Variants in SGPP2 observed in about 807,000 individuals in gnomAD.
SGPP2 encodes the protein sphingosine 1-phosphate phosphohydrolase 2.
SGPP2 carries 30 observed loss-of-function variants against 33.9 expected under a neutral mutation model. The ratio of observed to expected loss-of-function variants is 0.89; its 90% CI spans 0.66 to 1.20. The LOEUF is 1.20. Among genes scored for constraint, SGPP2 ranks in the 50% most tolerant of loss-of-function variants. SGPP2 has a pLI of 0.00. For missense variants in SGPP2, 458 were observed against 532.1 expected (o/e 0.86, Z 1.37); for synonymous variants, 233 against 225.0 (o/e 1.04, Z -0.32).
chr2:222,452,621 C>G, intron 1 of SGPP2: 1 of 1,353,742 alleles, frequency 7.4e-7, no homozygotes, highest in Non-Finnish European at 1.1e-6. Context: ...TGTTCCAGAA[C>G]TGGGTGCACC....
At chr2:222,464,883 C>G (rs1446910567) in intron 1 of SGPP2, among the ~76,000 whole-genome samples, 3 of 152,184 alleles carry the variant, frequency 2.0e-5, no homozygotes, top group African/African-American at 7.2e-5. Flanking sequence ...GGGTCACTGT[C>G]TCACAATTTC....
In SGPP2 at chr2:222,558,601, C is replaced by G. The variant is rs138993314; in HGVS notation, c.903C>G (p.Ser301=). Residue 301 remains serine (S), a synonymous_variant, in exon 5 of 5, where the codon TCC becomes TCG. Transcript: ENST00000321276. ...FWINHFFQLV[S]KPAESLPVIQ... The stretch of plus-strand genomic sequence containing the variant: ...TCAACCATTTCTTCCAGCTTGTATC[C>G]AAGCCCGCTGAATCTCTCCCTGTTA... 6.2e-6 allele frequency: 10 copies of G among 1,614,028 alleles called. No homozygotes were observed. In the African/African-American group the frequency reaches 1.2e-4, roughly 19 times the overall value.
intron 4 of SGPP2, among the ~76,000 whole-genome samples, chr2:222,542,607 C>T (rs1699014764): frequency 6.6e-6 from 1 of 152,194 alleles, no homozygotes; most frequent in Non-Finnish European, 1.5e-5. Flanking sequence ...CTTGTGAGTA[C>T]ATCTTCGTAT....
intron 4 of SGPP2, among the ~76,000 whole-genome samples, chr2:222,536,611 C>T (rs1412179389): frequency 4.6e-5 from 7 of 152,100 alleles, no homozygotes; most frequent in Non-Finnish European, 8.8e-5. Flanking sequence ...ACCCAGGAGG[C>T]AGAAGTTGCA....
At chr2:222,501,307 C>T (rs1698362588) in intron 2 of SGPP2, among the ~76,000 whole-genome samples, 1 of 124,394 alleles carries the variant, frequency 8.0e-6, no homozygotes, top group Non-Finnish European at 1.7e-5. Flanking sequence ...TTTAATCTCT[C>T]CAGAAATAAA....
At chr2:222,538,215 A>C (rs1308488743) in intron 4 of SGPP2, among the ~76,000 whole-genome samples, 1 of 152,188 alleles carries the variant, frequency 6.6e-6, no homozygotes, top group Non-Finnish European at 1.5e-5. Flanking sequence ...GGAATTATGC[A>C]ACTGATTGCT....
intron 2 of SGPP2, among the ~76,000 whole-genome samples, chr2:222,521,319 A>G (rs535048726): frequency 1.3e-5 from 2 of 152,336 alleles, no homozygotes; most frequent in Non-Finnish European, 2.9e-5. Context: ...TAGTTTAAGC[A>G]CAGACTTTGA....
chr2:222,444,325 C>T (rs1466998863), intron 1 of SGPP2, among the ~76,000 whole-genome samples: 2 of 152,214 alleles, frequency 1.3e-5, no homozygotes, highest in Non-Finnish European at 2.9e-5. Flanking sequence ...AGGAGTTTGG[C>T]AGTCCTTCCT....
intron 1 of SGPP2, among the ~76,000 whole-genome samples, chr2:222,451,290 A>G (rs1030138129): frequency 3.3e-5 from 5 of 152,266 alleles, no homozygotes; most frequent in Non-Finnish European, 7.3e-5. Flanking sequence ...TAAAATGATT[A>G]GCTTAGTTTC....
At chr2:222,494,740 G>A (rs1311695450) in intron 2 of SGPP2, among the ~76,000 whole-genome samples, 3 of 152,174 alleles carry the variant, frequency 2.0e-5, no homozygotes, top group Non-Finnish European at 4.4e-5. Context: ...GTCACTGTAA[G>A]ATATATGGGG....
chr2:222,520,819 A>G (rs1406806400), intron 2 of SGPP2, among the ~76,000 whole-genome samples: 1 of 151,682 alleles, frequency 6.6e-6, no homozygotes, highest in African/African-American at 2.4e-5. Flanking sequence ...AGTGGCTCCA[A>G]TCTGGACTTT....
At chr2:222,424,881 C>A in intron 1 of SGPP2, 60 bp downstream of exon 1, 1 of 1,228,730 alleles carries the variant, frequency 8.1e-7, no homozygotes. Context: ...CGTGCGGGTC[C>A]CTGCGACTCC....
intron 4 of SGPP2, among the ~76,000 whole-genome samples, chr2:222,555,808 G>T (rs1689386586): frequency 6.6e-6 from 1 of 152,128 alleles, no homozygotes; most frequent in Non-Finnish European, 1.5e-5. Flanking sequence ...GAATTTTAAA[G>T]GTCTGATAAG....
intron 2 of SGPP2, among the ~76,000 whole-genome samples, chr2:222,508,201 A>G (rs996963084): frequency 2.6e-5 from 4 of 152,218 alleles, no homozygotes; most frequent in African/African-American, 9.7e-5. Flanking sequence ...CTCCGGATGG[A>G]TCTAAAGAAT....
At chr2:222,556,208 C>T (rs538779561) in intron 4 of SGPP2, among the ~76,000 whole-genome samples, 79 of 151,916 alleles carry the variant, frequency 5.2e-4, no homozygotes, top group African/African-American at 1.8e-3. Context: ...GAGTTTGGCT[C>T]AATTTTGGTA....
intron 1 of SGPP2, among the ~76,000 whole-genome samples, chr2:222,426,209 C>CAAAAAAAAAAAAAAAAAAAAAAAAAAACA (rs59881994): frequency 1.7e-5 from 1 of 58,798 alleles, no homozygotes. Context: ...GACTCCGTCT[C>CAAAAAAAAAAAAAAAAAAAAAAAAAAACA]AAAAAAAAAA....
Position 222,480,634 on chromosome 2 carries a change from T to C in SGPP2, c.378+5908T>C, listed in dbSNP as rs1205523584. 3.9e-5 allele frequency among the ~76,000 whole-genome samples: 6 copies of C among 152,222 alleles called. 1 individual carries two copies. The highest frequency in any genetic ancestry group is 6.3e-3 in the Middle Eastern group (2 of 316). On this transcript the variant is annotated intron_variant, in intron 2 of 4. Coordinates refer to ENST00000321276, the MANE Select transcript of SGPP2 (RefSeq NM_152386.4). ...ACCTTTTCCTGACTCGTGAAATTGATAGTGTATTGTCAAGGCTAGTGATAC... is the reference window on the plus strand; with the variant it reads ...ACCTTTTCCTGACTCGTGAAATTGACAGTGTATTGTCAAGGCTAGTGATAC...
Position 222,424,790 on chromosome 2 carries a change from C to A in SGPP2, c.188C>A (p.Ala63Asp). Reference protein sequence around the residue: ...AANGKGGEAPANGLRRAAAPE... With the variant: ...AANGKGGEAPDNGLRRAAAPE... ...AACGGCAAGGGCGGCGAGGCTCCGG[C>A]CAACGGGCTGCGCAGAGCCGCGGCG... The change falls in exon 1 of 5, where the codon GCC (alanine) becomes GAC (aspartate). Residue 63 changes from alanine (A) to aspartate (D), a missense_variant. Coordinates refer to ENST00000321276, the MANE Select transcript of SGPP2 (RefSeq NM_152386.4). 1 of 1,396,734 alleles carries A rather than the reference C, an allele frequency of 7.2e-7. No homozygotes were observed. The highest frequency in any genetic ancestry group is 9.3e-7 in the Non-Finnish European group (1 of 1,077,200). The allele number at this position is 1,396,734 out of a possible 1,614,324, so 86.5% of individuals were successfully genotyped here.
chr2:222,512,804 G>A lies in SGPP2; in HGVS notation c.379-8963G>A, dbSNP rs968981902. ...GCTCCTCCATATCTTGTCATGGCTC[G>A]ATGGCTCATTTTTTAGTGCTGAGTA... is the stretch of plus-strand genomic sequence containing the variant. On this transcript the variant is annotated intron_variant, in intron 2 of 4. Transcript: ENST00000321276. 5.9e-5 allele frequency among the ~76,000 whole-genome samples: 9 copies of A among 152,162 alleles called. No homozygotes were observed. In the East Asian group the frequency reaches 7.7e-4, roughly 13 times the overall value.
Sources: allele counts gnomAD v4.1 joint callset (sites outside exome capture counted in the v4.1 genomes callset), GRCh38; gene constraint gnomAD v4.1.1; transcripts MANE v1.5; gene names NCBI Gene and HGNC (gene_info 2026-07-23, HGNC 2026-07-21).